QTMAN: variants seen among roughly 807,000 people sequenced by gnomAD.
QTMAN encodes queuosine-tRNA mannosyltransferase.
the QTMAN span, chr2:143,947,276 T>C: frequency 4.6e-6 from 3 of 646,842 alleles, no homozygotes; most frequent in Non-Finnish European, 8.2e-6. Context: ...TAAATGGTTC[T>C]TGAGTTTCAT....
At chr2:144,177,047 A>C in the QTMAN span, 4 of 667,814 alleles carry the variant, frequency 6.0e-6, no homozygotes, top group Admixed American at 4.3e-5. Context: ...ACTTTAAAAC[A>C]GCCAGATTTC....
At chr2:144,205,364 A>G in the QTMAN span, among the ~76,000 whole-genome samples, 1 of 152,150 alleles carries the variant, frequency 6.6e-6, no homozygotes, top group Non-Finnish European at 1.5e-5. Flanking sequence ...TTTATAAGTA[A>G]AATTTAAAAT....
At chr2:144,254,186 C>G in the QTMAN span, among the ~76,000 whole-genome samples, 1 of 152,182 alleles carries the variant, frequency 6.6e-6, no homozygotes. Flanking sequence ...CTTTGGGAGG[C>G]CAAGACGAGC....
chr2:144,240,364 A>C, the QTMAN span, among the ~76,000 whole-genome samples: 1 of 152,216 alleles, frequency 6.6e-6, no homozygotes, highest in Non-Finnish European at 1.5e-5. Context: ...GTATATATTT[A>C]CCAACTGAAT....
At chr2:144,272,785 T>C in the QTMAN span, among the ~76,000 whole-genome samples, 1 of 152,168 alleles carries the variant, frequency 6.6e-6, no homozygotes, top group Admixed American at 6.6e-5. Context: ...AGATATACTC[T>C]GGGGCATTAA....
chr2:144,302,202 G>A, the QTMAN span, among the ~76,000 whole-genome samples: 1 of 151,688 alleles, frequency 6.6e-6, no homozygotes, highest in African/African-American at 2.4e-5. Context: ...TTTACCCCAT[G>A]CCACCACAAA....
chr2:144,250,131 TTTTTG>T, the QTMAN span, among the ~76,000 whole-genome samples: 1 of 144,226 alleles, frequency 6.9e-6, no homozygotes, highest in East Asian at 1.9e-4. Flanking sequence ...GTGTTTTTTT[TTTTTG>T]TTTGTTTTTG....
At chr2:144,202,473 A>T in the QTMAN span, among the ~76,000 whole-genome samples, 2 of 152,242 alleles carry the variant, frequency 1.3e-5, no homozygotes, top group African/African-American at 4.8e-5. Flanking sequence ...AAAAGCAACT[A>T]GGTAAGAAGT....
At chr2:144,005,066 G>A in the QTMAN span, among the ~76,000 whole-genome samples, 2 of 151,878 alleles carry the variant, frequency 1.3e-5, no homozygotes, top group African/African-American at 2.4e-5. Context: ...TATCAGACGC[G>A]GGCCAGAGAG....
the QTMAN span, among the ~76,000 whole-genome samples, chr2:144,172,243 C>G: frequency 0.013 from 2,027 of 151,882 alleles, 42 homozygotes; most frequent in African/African-American, 0.046. Flanking sequence ...TAATTTGTTT[C>G]AATTATTAAG....
At chr2:144,277,677 A>AGGG in the QTMAN span, among the ~76,000 whole-genome samples, 2 of 152,122 alleles carry the variant, frequency 1.3e-5, no homozygotes, top group Non-Finnish European at 2.9e-5. Flanking sequence ...TTACTATAGA[A>AGGG]CTTACCTCCT....
chr2:144,068,604 A>ACTCT, the QTMAN span, among the ~76,000 whole-genome samples: 1 of 152,258 alleles, frequency 6.6e-6, no homozygotes, highest in African/African-American at 2.4e-5. Context: ...AGTTAAGGAC[A>ACTCT]CTCTATTTCA....
At chr2:144,094,957 T>C in the QTMAN span, among the ~76,000 whole-genome samples, 3 of 152,220 alleles carry the variant, frequency 2.0e-5, no homozygotes, top group Non-Finnish European at 2.9e-5. Flanking sequence ...TTATTCACTT[T>C]GTAAACCTAG....
the QTMAN span, among the ~76,000 whole-genome samples, chr2:144,183,061 A>G: frequency 1.0e-4 from 15 of 149,626 alleles, no homozygotes; most frequent in Non-Finnish European, 2.1e-4. Context: ...TAAGAAGCCT[A>G]AGAAAAATTA....
the QTMAN span, among the ~76,000 whole-genome samples, chr2:144,071,976 G>C: frequency 6.6e-6 from 1 of 152,126 alleles, no homozygotes; most frequent in Non-Finnish European, 1.5e-5. Context: ...AAAAAGCTTT[G>C]CATCTGTTTG....
At chr2:144,043,632 C>CA in the QTMAN span, among the ~76,000 whole-genome samples, 9,069 of 132,576 alleles carry the variant, frequency 0.068, 895 homozygotes, top group African/African-American at 0.22. Flanking sequence ...GACTCCGTCG[C>CA]AAAAAAAAAA....
the QTMAN span, among the ~76,000 whole-genome samples, chr2:144,182,801 TATATATAA>T: frequency 7.4e-5 from 1 of 13,426 alleles, no homozygotes; most frequent in Admixed American, 1.1e-3. Flanking sequence ...ATATATATTA[TATATATAA>T]TATATATATT....
the QTMAN span, among the ~76,000 whole-genome samples, chr2:144,092,749 T>C: frequency 6.6e-6 from 1 of 152,160 alleles, no homozygotes. Context: ...AAGATCCTAA[T>C]TTTAGCCACT....
the QTMAN span, among the ~76,000 whole-genome samples, chr2:144,307,159 TAAAAAA>T: frequency 0.35 from 13,251 of 38,328 alleles, 351 homozygotes; most frequent in East Asian, 0.46. Flanking sequence ...GACTCCGTCT[TAAAAAA>T]AAAAAAAAAA....
Sources: allele counts gnomAD v4.1 joint callset (sites outside exome capture counted in the v4.1 genomes callset), GRCh38; gene constraint gnomAD v4.1.1; transcripts MANE v1.5; gene names NCBI Gene and HGNC (gene_info 2026-07-23, HGNC 2026-07-21).